NIN: variants seen among roughly 807,000 people sequenced by gnomAD.
NIN encodes glycogen synthase kinase 3 beta-interacting protein.
A neutral mutation model predicts 257.6 loss-of-function variants in NIN; 137 were observed. The observed-to-expected ratio is 0.53, with a 90% CI of 0.46 to 0.61. The LOEUF (loss-of-function observed/expected upper bound fraction) is 0.61. Among genes scored for constraint, NIN ranks in the 20% least tolerant of loss-of-function variants. The pLI is 0.00. For synonymous variants in NIN, 918 were observed against 919.8 expected, an observed-to-expected ratio of 1.00 and a Z score of 0.04; for missense variants, 2,439 against 2,501.2, an observed-to-expected ratio of 0.98 and a Z score of 0.53.
In NIN at chr14:50,760,008, A is replaced by G; in HGVS notation, c.2248T>C (p.Trp750Arg). ...AAGCCTCTCACCTTCTCTTCTGTCCAGGCGCTACTCTGAAGGCCTTCCCTC... is the reference window on the plus strand; with the variant it reads ...AAGCCTCTCACCTTCTCTTCTGTCCGGGCGCTACTCTGAAGGCCTTCCCTC... Reference protein sequence around the residue: ...REREGLQSSAWTEEKVRGLTQ... With the variant: ...REREGLQSSARTEEKVRGLTQ... Residue 750 changes from tryptophan (W) to arginine (R), a missense_variant, in exon 17 of 31, where the codon TGG becomes CGG. By Grantham distance (101) the Trp-to-Arg change is moderately radical. Transcript: ENST00000530997. The G allele has an allele frequency of 1.2e-6, 2 of 1,614,148 alleles. No homozygotes were observed. Among genetic ancestry groups the G allele is most frequent in the Non-Finnish European group, 1.7e-6 (2 of 1,180,022 alleles).
intron 3 of NIN, among the ~76,000 whole-genome samples, chr14:50,807,220 T>A (rs555648517): frequency 6.6e-6 from 1 of 152,358 alleles, no homozygotes; most frequent in Non-Finnish European, 1.5e-5. Flanking sequence ...TGCTTTCGTA[T>A]CTTGAGATAT....
At chr14:50,751,776 CT>C in intron 21 of NIN, among the ~76,000 whole-genome samples, 1 of 152,298 alleles carries the variant, frequency 6.6e-6, no homozygotes. Flanking sequence ...ATTCTCCTGC[CT>C]CGGCCTCCCA....
chr14:50,780,757 TGTTTAA>T (rs2141906898), intron 5 of NIN, among the ~76,000 whole-genome samples: 1 of 152,368 alleles, frequency 6.6e-6, no homozygotes, highest in East Asian at 1.9e-4. Context: ...TAACTCAAAA[TGTTTAA>T]GTTCACTACA....
At chr14:50,778,971 A>C (rs1595851892) in intron 5 of NIN, among the ~76,000 whole-genome samples, 167 bp from the exon 6 acceptor site, 1 of 152,184 alleles carries the variant, frequency 6.6e-6, no homozygotes, top group Non-Finnish European at 1.5e-5. Context: ...TCTTCAGTTA[A>C]CCAGCCAATC....
intron 29 of NIN, chr14:50,727,859 C>A: frequency 1.1e-6 from 1 of 893,880 alleles, no homozygotes; most frequent in South Asian, 1.3e-5. Context: ...AAAGCACACA[C>A]ATTAACACTA....
In NIN at chr14:50,758,540, T is replaced by C; in HGVS notation, c.2490A>G (p.Glu830=). 6.2e-7 allele frequency: 1 copy of C among 1,614,020 alleles called. No individual in the cohort carries two copies. Among genetic ancestry groups the C allele is most frequent in the Non-Finnish European group, 8.5e-7 (1 of 1,179,944 alleles). Residue 830 remains glutamate (E), a synonymous_variant, in exon 18 of 31, where the codon GAA becomes GAG. Transcript: ENST00000530997. ...SDCQKVTERC[E]SALQSLEGRY... The stretch of plus-strand genomic sequence containing the variant: ...GCCCCTCCAGGCTTTGCAGAGCGCT[T>C]TCACACCTCTCAGTGACTTTCTGAC...
chr14:50,780,709 T>C (rs1158154738), intron 5 of NIN, among the ~76,000 whole-genome samples: 1 of 152,182 alleles, frequency 6.6e-6, no homozygotes, highest in Non-Finnish European at 1.5e-5. Flanking sequence ...AATGCTGAGA[T>C]GGGTTGTTGC....
chr14:50,724,915 C>T (rs1283466724), intron 30 of NIN, among the ~76,000 whole-genome samples: 1 of 152,204 alleles, frequency 6.6e-6, no homozygotes, highest in African/African-American at 2.4e-5. Context: ...CTACTGAAAA[C>T]AGGACGGATC....
chr14:50,754,618 GT>G lies in NIN; in HGVS notation c.4678del (p.Thr1560LeufsTer2). ...AACTGCAGCATTTTCTTGTTTTACA[GT>G]TTCCGTTTTTTGCCTAAAAGGAATG... is the stretch of plus-strand genomic sequence containing the variant. Reference protein sequence around the residue: ...SQEEMWQKTETVKQENAAVQK... With the variant: ...SQEEMWQKTEXVKQENAAVQK... On this transcript the variant is annotated frameshift_variant, in exon 20 of 31. Transcript: ENST00000530997. LOFTEE classifies it high-confidence loss of function. 6.2e-7 allele frequency: 1 copy of G among 1,610,306 alleles called. No homozygotes were observed. The highest frequency in any genetic ancestry group is 1.1e-5 in the South Asian group (1 of 90,208).
At chr14:50,802,080 C>T (rs895633304) in intron 4 of NIN, among the ~76,000 whole-genome samples, 3 of 152,292 alleles carry the variant, frequency 2.0e-5, no homozygotes, top group South Asian at 2.1e-4. Flanking sequence ...TCCAAAGCCA[C>T]GGCAAATTGA....
intron 28 of NIN, 71 bp from the exon 29 acceptor site, chr14:50,729,794 G>A (rs2040599260): frequency 4.9e-6 from 6 of 1,214,342 alleles, no homozygotes; most frequent in Middle Eastern, 2.9e-4. Context: ...ATGGTGTCAG[G>A]CAGTGAGTAA....
chr14:50,808,687 C>G (rs996281288), intron 3 of NIN, among the ~76,000 whole-genome samples: 4 of 152,260 alleles, frequency 2.6e-5, no homozygotes, highest in Admixed American at 6.5e-5. Flanking sequence ...GTGACAAGTC[C>G]CTGTGCCACG....
rs7156743 is a variant in NIN at position 50,818,049 on chromosome 14, C to T, written c.183+3825G>A. Among the ~76,000 whole-genome samples, 494 of 151,104 alleles carry T rather than the reference C, an allele frequency of 3.3e-3. 2 individuals carry two copies. The highest frequency in any genetic ancestry group is 0.011 in the African/African-American group (451 of 41,320). ...ATTTTTAAAACTGGATATGGCCGGG[C>T]ACGATGGCTCACGCCTGTAACCCCA... On this transcript the variant is annotated intron_variant, in intron 3 of 30. Transcript: ENST00000530997.
intron 27 of NIN, 116 bp from the exon 28 acceptor site, chr14:50,735,733 A>G (rs2040942839): frequency 1.5e-6 from 2 of 1,291,504 alleles, no homozygotes; most frequent in Non-Finnish European, 2.1e-6. Flanking sequence ...AAGAAAGCCA[A>G]GTTAATTCAG....
chr14:50,806,670 G>A (rs2044341749), intron 4 of NIN, 67 bp downstream of exon 4: 2 of 833,962 alleles, frequency 2.4e-6, no homozygotes, highest in Non-Finnish European at 4.0e-6. Context: ...CATGCTTCAA[G>A]GTCCCCAGAT....
intron 23 of NIN, 71 bp downstream of exon 23, chr14:50,744,172 T>C: frequency 2.0e-6 from 3 of 1,527,796 alleles, no homozygotes; most frequent in South Asian, 2.4e-5. Flanking sequence ...CCTGTGCCAC[T>C]GTCCACAGAG....
intron 5 of NIN, among the ~76,000 whole-genome samples, chr14:50,780,300 T>C (rs1244180432): frequency 6.6e-6 from 1 of 152,266 alleles, no homozygotes; most frequent in African/African-American, 2.4e-5. Flanking sequence ...TCCAGCTTTA[T>C]GAATGAAGCT....
At position 50,763,959 on chromosome 14, in the gene NIN, T is replaced by C. The variant is rs1192363899; in HGVS notation, c.1641A>G (p.Leu547=). The C allele has an allele frequency of 1.9e-6, 3 of 1,613,514 alleles. No individual in the cohort carries two copies. Among genetic ancestry groups the C allele is most frequent in the Admixed American group, 1.7e-5 (1 of 59,992 alleles). ...RNEYERQCRV[L]QDQVDELQSE... Reference sequence around the variant, plus strand: ...ACTGGAGTTCATCTACTTGGTCTTGTAGTACCTGGGATTTAAAAACCAACA... The same window carrying C: ...ACTGGAGTTCATCTACTTGGTCTTGCAGTACCTGGGATTTAAAAACCAACA... Residue 547 remains leucine, a synonymous_variant, in exon 15 of 31, where the codon CTA becomes CTG. Coordinates refer to ENST00000530997, the MANE Select transcript of NIN (RefSeq NM_020921.4).
At chr14:50,777,168 T>G in intron 6 of NIN, 29 bp from the exon 7 acceptor site, 1 of 1,528,048 alleles carries the variant, frequency 6.5e-7, no homozygotes, top group South Asian at 1.3e-5. Flanking sequence ...TTGCACGGTT[T>G]CCAAAGGAAT....
Sources: allele counts gnomAD v4.1 joint callset (sites outside exome capture counted in the v4.1 genomes callset), GRCh38; gene constraint gnomAD v4.1.1; transcripts MANE v1.5; gene names NCBI Gene and HGNC (gene_info 2026-07-23, HGNC 2026-07-21).